Variants in GALNT13 observed in about 807,000 individuals in gnomAD.
GALNT13 encodes UDP-GalNAc:polypeptide N-acetylgalactosaminyltransferase 13.
A neutral mutation model predicts 64.2 loss-of-function variants in GALNT13; 28 were observed. The ratio of observed to expected loss-of-function variants is 0.44; its 90% CI spans 0.32 to 0.60. The LOEUF is 0.60. Among genes scored for constraint, GALNT13 ranks in the 20% least tolerant of loss-of-function variants. The pLI, the probability that GALNT13 is intolerant of heterozygous loss-of-function variation, is 0.05. For synonymous variants in GALNT13, 214 were observed against 224.6 expected (o/e 0.95, Z 0.42); for missense variants, 577 against 669.8 (o/e 0.86, Z 1.53).
the GALNT13 span, among the ~76,000 whole-genome samples, chr2:153,419,102 G>A: frequency 0.028 from 4,308 of 152,274 alleles, 84 homozygotes; most frequent in Non-Finnish European, 0.042. Flanking sequence ...ATTTTTGAAG[G>A]AAAGAGGTTT....
chr2:154,348,092 A>G (rs939590710), intron 9 of GALNT13, among the ~76,000 whole-genome samples: 3 of 152,202 alleles, frequency 2.0e-5, no homozygotes, highest in Non-Finnish European at 1.5e-5. Context: ...CTGTAATTCT[A>G]TAGCATTGTG....
At chr2:154,289,368 C>T (rs1050954639) in intron 8 of GALNT13, among the ~76,000 whole-genome samples, 5 of 152,172 alleles carry the variant, frequency 3.3e-5, no homozygotes, top group African/African-American at 4.8e-5. Flanking sequence ...AAGAAATACC[C>T]GAGACTAGGT....
chr2:154,109,137 A>T (rs1418955222), intron 3 of GALNT13, among the ~76,000 whole-genome samples: 1 of 152,118 alleles, frequency 6.6e-6, no homozygotes, highest in Non-Finnish European at 1.5e-5. Context: ...TAGTATGTGC[A>T]TTTTAATAAT....
the GALNT13 span, among the ~76,000 whole-genome samples, chr2:153,324,117 C>T: frequency 2.0e-5 from 3 of 152,152 alleles, no homozygotes; most frequent in Admixed American, 2.0e-4. Context: ...TCTTCTTATC[C>T]ATGAGCATGG....
chr2:153,091,244 A>G, the GALNT13 span, among the ~76,000 whole-genome samples: 1 of 152,074 alleles, frequency 6.6e-6, no homozygotes, highest in Admixed American at 6.6e-5. Context: ...CCTGTGAGAT[A>G]TAGTCAGAGA....
the GALNT13 span, among the ~76,000 whole-genome samples, chr2:153,285,433 C>T: frequency 1.3e-5 from 2 of 152,158 alleles, no homozygotes; most frequent in East Asian, 1.9e-4. Flanking sequence ...GATTTTCTCA[C>T]ACTAGGGAAA....
the GALNT13 span, among the ~76,000 whole-genome samples, chr2:153,632,587 A>G: frequency 6.6e-6 from 1 of 152,130 alleles, no homozygotes; most frequent in Non-Finnish European, 1.5e-5. Context: ...TAGTTTTACT[A>G]TCTCAATAGT....
intron 3 of GALNT13, among the ~76,000 whole-genome samples, chr2:154,067,692 G>T (rs1238992846): frequency 2.0e-5 from 3 of 152,022 alleles, no homozygotes; most frequent in Non-Finnish European, 2.9e-5. Flanking sequence ...TCTGCATTAT[G>T]TCTCACCATA....
chr2:153,776,555 C>T, the GALNT13 span, among the ~76,000 whole-genome samples: 3 of 152,202 alleles, frequency 2.0e-5, no homozygotes, highest in East Asian at 3.8e-4. Context: ...AAAGCATTAA[C>T]ATCCTGAAGA....
the GALNT13 span, among the ~76,000 whole-genome samples, chr2:153,397,751 G>T: frequency 3.3e-5 from 5 of 152,080 alleles, no homozygotes; most frequent in Admixed American, 3.3e-4. Flanking sequence ...GGTATCCAGT[G>T]TCTATTCGGT....
chr2:153,529,122 C>A, the GALNT13 span, among the ~76,000 whole-genome samples: 26 of 151,608 alleles, frequency 1.7e-4, no homozygotes, highest in African/African-American at 6.3e-4. Flanking sequence ...ACAAAAATCA[C>A]TGAAACAAAA....
chr2:153,159,221 T>C, the GALNT13 span: 1 of 152,232 alleles, frequency 6.6e-6, no homozygotes, highest in Non-Finnish European at 1.5e-5. Flanking sequence ...TATATGTAAT[T>C]ACCCCAGAGA....
At chr2:154,321,110 G>A (rs981753367) in intron 9 of GALNT13, among the ~76,000 whole-genome samples, 37 of 152,102 alleles carry the variant, frequency 2.4e-4, no homozygotes, top group Admixed American at 1.2e-3. Flanking sequence ...AAGATGAGAG[G>A]GGATACAAGG....
At chr2:153,340,627 C>T in the GALNT13 span, among the ~76,000 whole-genome samples, 1 of 150,394 alleles carries the variant, frequency 6.6e-6, no homozygotes, top group African/African-American at 2.5e-5. Context: ...CGCACTCCAG[C>T]CTGGGCAACA....
intron 4 of GALNT13, among the ~76,000 whole-genome samples, chr2:154,158,665 G>A (rs1036824423): frequency 4.6e-5 from 7 of 152,058 alleles, no homozygotes; most frequent in Non-Finnish European, 8.8e-5. Context: ...TTCTACTTTA[G>A]GACCTTTTTA....
intron 1 of GALNT13, among the ~76,000 whole-genome samples, chr2:153,877,995 C>G (rs949954554): frequency 2.0e-5 from 3 of 152,076 alleles, no homozygotes; most frequent in Non-Finnish European, 4.4e-5. Flanking sequence ...GTGTGAGCAT[C>G]AAGGATGACA....
chr2:153,169,222 C>T, the GALNT13 span, among the ~76,000 whole-genome samples: 2 of 152,164 alleles, frequency 1.3e-5, no homozygotes, highest in African/African-American at 4.8e-5. Flanking sequence ...AAAGATTGAC[C>T]TGAGAATGGG....
At chr2:153,491,338 T>C in the GALNT13 span, among the ~76,000 whole-genome samples, 2 of 151,900 alleles carry the variant, frequency 1.3e-5, no homozygotes, top group African/African-American at 4.8e-5. Flanking sequence ...TAAAAGAAGA[T>C]TTGAGCTAAT....
the GALNT13 span, among the ~76,000 whole-genome samples, chr2:153,243,765 G>C: frequency 5.3e-5 from 8 of 152,206 alleles, no homozygotes; most frequent in East Asian, 1.2e-3. Context: ...AGATTTGAAG[G>C]GGATTATTTC....
Sources: gnomAD v4.1 joint callset for allele counts (sites outside exome capture counted in the v4.1 genomes callset) on GRCh38, gnomAD v4.1.1 for gene constraint, MANE v1.5 for transcripts, NCBI Gene and HGNC (gene_info 2026-07-23, HGNC 2026-07-21) for gene names.